SPTSSB: variants seen among roughly 807,000 people sequenced by gnomAD.
The protein encoded by SPTSSB is serine palmitoyltransferase small subunit B, also known as androgen down regulated in mouse prostate.
A neutral mutation model predicts 7.7 loss-of-function variants in SPTSSB; 6 were observed. That is an observed-to-expected ratio of 0.78 (90% CI 0.43 to 1.54). The LOEUF is 1.54. Among genes scored for constraint, SPTSSB ranks in the 40% most tolerant of loss-of-function variants. The probability of loss-of-function intolerance (pLI) is 0.01; values close to 1 mark genes in which losing one functional copy is unlikely to be tolerated. For missense variants in SPTSSB, 91 were observed against 93.0 expected, an observed-to-expected ratio of 0.98 and a Z score of 0.09; for synonymous variants, 28 against 29.7, an observed-to-expected ratio of 0.94 and a Z score of 0.19.
intron 1 of SPTSSB, among the ~76,000 whole-genome samples, chr3:161,360,318 C>T (rs184927677): frequency 1.8e-4 from 28 of 152,160 alleles, no homozygotes; most frequent in Admixed American, 1.3e-3. Context: ...ATGGGGGACA[C>T]GGGGAAGAGA....
rs1041581961 is a variant in SPTSSB at position 161,370,254 on chromosome 3, C to G, written c.-126+1181G>C. Among the ~76,000 whole-genome samples the G allele has an allele frequency of 5.9e-5, 9 of 152,266 alleles. No individual in the cohort carries two copies. In the East Asian group the frequency reaches 1.7e-3, roughly 29 times the overall value. On this transcript the variant is annotated intron_variant, in intron 1 of 2. Transcript: ENST00000620149. ...GACTGGTTGATTTTCAACTTCAAAT[C>G]GACTTTCAACTTCAAATCTAGTCGA...
chr3:161,355,452 A>G (rs189376817), intron 2 of SPTSSB, among the ~76,000 whole-genome samples: 82 of 152,354 alleles, frequency 5.4e-4, no homozygotes, highest in South Asian at 1.4e-3. Flanking sequence ...AAGCAATCCA[A>G]ATGTCCATGG....
Position 161,346,369 on chromosome 3 carries a change from T to C in SPTSSB, c.-32-14A>G, listed in dbSNP as rs141419781. ...AGTAAGTTTGTCCTGTTAAAGAATG[T>C]AACAGATTAGAGGATGAGGAACCAA... On this transcript the variant is annotated splice_polypyrimidine_tract_variant and intron_variant, in intron 2 of 2. Transcript: ENST00000620149. 4,807 of 1,338,998 alleles carry C rather than the reference T, an allele frequency of 3.6e-3. 23 individuals carry two copies. The highest frequency in any genetic ancestry group is 4.7e-3 in the Middle Eastern group (26 of 5,548). 82.9% of individuals were successfully genotyped at this position (1,338,998 alleles called of 1,614,324 possible).
At chr3:161,351,352 C>T (rs931414159) in intron 2 of SPTSSB, among the ~76,000 whole-genome samples, 9 of 152,040 alleles carry the variant, frequency 5.9e-5, no homozygotes, top group Admixed American at 2.0e-4. Flanking sequence ...ACAATGAAGC[C>T]GATCCAAAAG....
intron 2 of SPTSSB, among the ~76,000 whole-genome samples, chr3:161,351,024 A>C (rs1056511347): frequency 5.3e-5 from 8 of 152,130 alleles, no homozygotes; most frequent in Non-Finnish European, 1.2e-4. Flanking sequence ...AGTACTCCCC[A>C]AAACCCCCAA....
At chr3:161,361,030 G>C (rs1424244609) in intron 1 of SPTSSB, among the ~76,000 whole-genome samples, 1 of 152,108 alleles carries the variant, frequency 6.6e-6, no homozygotes, top group Non-Finnish European at 1.5e-5. Context: ...CTGTTAAAAT[G>C]GTCACTCCAG....
At chr3:161,365,592 C>A (rs905076108) in intron 1 of SPTSSB, among the ~76,000 whole-genome samples, 1 of 152,174 alleles carries the variant, frequency 6.6e-6, no homozygotes, top group African/African-American at 2.4e-5. Flanking sequence ...TACCTAAGTG[C>A]CTACCACATA....
At chr3:161,355,274 T>C (rs80068062) in intron 2 of SPTSSB, among the ~76,000 whole-genome samples, 4,591 of 152,318 alleles carry the variant, frequency 0.03, 99 homozygotes, top group South Asian at 0.12. Context: ...GAGTGGCTTT[T>C]TCCTTTTGAA....
intron 1 of SPTSSB, among the ~76,000 whole-genome samples, chr3:161,364,140 T>C (rs954033340): frequency 3.9e-5 from 6 of 152,106 alleles, no homozygotes; most frequent in African/African-American, 1.4e-4. Context: ...TTTTTTAAAA[T>C]TTCTCTATCT....
At chr3:161,347,413 A>G (rs2108152950) in intron 2 of SPTSSB, among the ~76,000 whole-genome samples, 1 of 151,762 alleles carries the variant, frequency 6.6e-6, no homozygotes, top group East Asian at 2.0e-4. Context: ...ATGCACCACC[A>G]TGCCCGGCTA....
chr3:161,369,307 T>TC (rs749790628), intron 1 of SPTSSB, among the ~76,000 whole-genome samples: 3 of 54,012 alleles, frequency 5.6e-5, no homozygotes, highest in East Asian at 4.0e-3. Context: ...TCTTTCTTTC[T>TC]TTCTTTCTCT....
intron 2 of SPTSSB, among the ~76,000 whole-genome samples, chr3:161,351,182 G>A (rs1456046290): frequency 6.6e-6 from 1 of 152,154 alleles, no homozygotes; most frequent in Non-Finnish European, 1.5e-5. Flanking sequence ...TATGAGTAAA[G>A]TAAGAACTTT....
At chr3:161,364,886 CT>C (rs60895657) in intron 1 of SPTSSB, among the ~76,000 whole-genome samples, 5,742 of 151,988 alleles carry the variant, frequency 0.038, 132 homozygotes, top group Middle Eastern at 0.054. Context: ...TTCCTTCTTT[CT>C]TTTTTTGAAT....
At chr3:161,357,104 A>G (rs1405077673) in intron 2 of SPTSSB, among the ~76,000 whole-genome samples, 1 of 152,248 alleles carries the variant, frequency 6.6e-6, no homozygotes, top group Non-Finnish European at 1.5e-5. Context: ...GAATCAAGGG[A>G]CATTTCCCTG....
At chr3:161,369,329 TTTCTTTC>T in intron 1 of SPTSSB, among the ~76,000 whole-genome samples, 1 of 103,108 alleles carries the variant, frequency 9.7e-6, no homozygotes, top group African/African-American at 4.2e-5. Context: ...TCTTTCTTTC[TTTCTTTC>T]TTTCTTTCTT....
At chr3:161,351,599 G>C (rs536115275) in intron 2 of SPTSSB, among the ~76,000 whole-genome samples, 11 of 150,504 alleles carry the variant, frequency 7.3e-5, no homozygotes, top group Admixed American at 4.0e-4. Flanking sequence ...TACACACACA[G>C]AGAGAGAGAG....
intron 1 of SPTSSB, among the ~76,000 whole-genome samples, chr3:161,363,392 TA>T (rs998938542): frequency 6.6e-6 from 1 of 151,926 alleles, no homozygotes; most frequent in African/African-American, 2.4e-5. Flanking sequence ...GTAGATCAGA[TA>T]AAGATAGTAG....
chr3:161,359,936 T>C (rs189231095), intron 1 of SPTSSB, 42 bp from the exon 2 acceptor site: 1 of 296,862 alleles, frequency 3.4e-6, no homozygotes, highest in Admixed American at 6.5e-5. Flanking sequence ...AAAAGATGTC[T>C]TCAAATTTTA....
chr3:161,363,962 T>G (rs1168501633), intron 1 of SPTSSB, among the ~76,000 whole-genome samples: 1 of 108,014 alleles, frequency 9.3e-6, no homozygotes, highest in Non-Finnish European at 1.8e-5. Flanking sequence ...AGATGGTACA[T>G]GAAAAAAAAA....
Sources: gnomAD v4.1 joint callset for allele counts (sites outside exome capture counted in the v4.1 genomes callset) on GRCh38, gnomAD v4.1.1 for gene constraint, MANE v1.5 for transcripts, NCBI Gene and HGNC (gene_info 2026-07-23, HGNC 2026-07-21) for gene names.